Variants in MFAP5 observed in about 807,000 individuals in gnomAD.
MFAP5 encodes microfibril associated protein 5, also known as microfibrillar-associated protein 5.
Under a neutral mutation model 30.1 loss-of-function variants are expected in MFAP5, and 19 were observed. The observed-to-expected ratio is 0.63, with a 90% CI of 0.44 to 0.93. The LOEUF (loss-of-function observed/expected upper bound fraction) is 0.93. MFAP5 is among the 40% of genes least tolerant of loss of function. MFAP5 has a pLI of 0.00. For synonymous variants in MFAP5, 92 were observed against 72.9 expected (o/e 1.26, Z -1.33); for missense variants, 210 against 221.3 (o/e 0.95, Z 0.32).
At chr12:8,652,287 A>G (rs1306302104) in intron 6 of MFAP5, among the ~76,000 whole-genome samples, 2 of 151,974 alleles carry the variant, frequency 1.3e-5, no homozygotes, top group East Asian at 3.9e-4. Context: ...TCTACTAAAA[A>G]TACAAAACTT....
chr12:8,647,819 A>G lies in MFAP5; in HGVS notation c.*272T>C, dbSNP rs1439821706. The G allele has an allele frequency of 4.7e-6, 1 of 211,618 alleles. No homozygotes were observed. The highest frequency in any genetic ancestry group is 2.3e-5 in the African/African-American group (1 of 43,362). The allele number at this position is 211,618 out of a possible 1,614,324, so 13.1% of individuals were successfully genotyped here. A position where few individuals can be genotyped will look rare whatever the true frequency, so the allele number is the denominator to read the frequency against. ...AATTGTACATAGAATGTTTGTATATAAGCCATATAGTCATCATCTATTCAC... is the reference window on the plus strand; with the variant it reads ...AATTGTACATAGAATGTTTGTATATGAGCCATATAGTCATCATCTATTCAC... On this transcript the variant is annotated 3_prime_UTR_variant, in exon 10 of 10. Transcript: ENST00000359478.
intron 3 of MFAP5, among the ~76,000 whole-genome samples, chr12:8,656,637 C>CAT (rs1565526797): frequency 3.8e-5 from 5 of 133,110 alleles, no homozygotes; most frequent in African/African-American, 1.3e-4. Flanking sequence ...CACACACACA[C>CAT]ACACACACAC....
intron 6 of MFAP5, chr12:8,654,126 CAAAAAAA>C (rs61055144): frequency 2.6e-5 from 3 of 113,554 alleles, no homozygotes; most frequent in Admixed American, 1.2e-4. Flanking sequence ...TAATCCGTCT[CAAAAAAA>C]AAAAAAAAAA....
rs1941740735 is a variant in MFAP5 at position 8,648,344 on chromosome 12, A to G, written c.410-141T>C. The G allele has an allele frequency of 1.2e-5, 11 of 898,890 alleles. No homozygotes were observed. In the South Asian group the frequency reaches 1.7e-4, roughly 14 times the overall value. 55.7% of individuals were successfully genotyped at this position (898,890 alleles called of 1,614,324 possible). A position where few individuals can be genotyped will look rare whatever the true frequency, so the allele number is the denominator to read the frequency against. ...GATCCGGGTTTTAACCAGCTCTGCC[A>G]CTTACTTTAGTTATTTGCCACTTCC... On this transcript the variant is annotated intron_variant, in intron 9 of 9. Transcript: ENST00000359478.
chr12:8,656,216 G>A (rs901317815), intron 3 of MFAP5, among the ~76,000 whole-genome samples: 31 of 150,522 alleles, frequency 2.1e-4, no homozygotes, highest in Middle Eastern at 3.5e-3. Context: ...GCCCGCCACA[G>A]CGCCCGGCTA....
intron 7 of MFAP5, 76 bp downstream of exon 7, chr12:8,651,586 C>G: frequency 7.1e-7 from 1 of 1,403,526 alleles, no homozygotes; most frequent in Non-Finnish European, 1.0e-6. Context: ...TGCCAAGTAC[C>G]CTCCAAAGAA....
intron 9 of MFAP5, 150 bp from the exon 10 acceptor site, chr12:8,648,353 A>T: frequency 1.1e-6 from 1 of 886,072 alleles, no homozygotes. Context: ...CACTTACTTT[A>T]GTTATTTGCC....
At chr12:8,652,476 AT>A (rs1941863243) in intron 6 of MFAP5, among the ~76,000 whole-genome samples, 4 of 147,580 alleles carry the variant, frequency 2.7e-5, no homozygotes, top group Admixed American at 2.7e-4. Flanking sequence ...AAATAAATAA[AT>A]AAAGAATAAT....
chr12:8,658,323 C>A (rs1241790676), intron 3 of MFAP5, among the ~76,000 whole-genome samples: 7 of 151,986 alleles, frequency 4.6e-5, no homozygotes, highest in South Asian at 2.1e-4. Flanking sequence ...GCACTCCAGC[C>A]TGGGACAGAG....
Position 8,656,335 on chromosome 12 carries a change from A to C in MFAP5, c.95-505T>G, listed in dbSNP as rs188550136. 8.0e-4 allele frequency among the ~76,000 whole-genome samples: 121 copies of C among 151,476 alleles called. 3 individuals are homozygous for C. The East Asian group carries it at 0.023, about 28-fold the overall frequency. On this transcript the variant is annotated intron_variant, in intron 3 of 9. Transcript: ENST00000359478. ...AGTGCTGGGATTACAGGCGTGAGCC[A>C]CCGCGCCCAGCCCATAATTCTGATA...
At chr12:8,651,844 T>G in intron 6 of MFAP5, 153 bp from the exon 7 acceptor site, 1 of 681,602 alleles carries the variant, frequency 1.5e-6, no homozygotes, top group African/African-American at 1.8e-5. Flanking sequence ...AGAAAACCCT[T>G]ATTGAGCTGA....
intron 9 of MFAP5, chr12:8,648,528 C>A (rs1020776486): frequency 3.1e-6 from 4 of 1,290,176 alleles, no homozygotes; most frequent in Non-Finnish European, 4.0e-6. Context: ...CTTTATATAT[C>A]CAGCTGCCAA....
At chr12:8,658,591 G>A (rs1406286614) in intron 3 of MFAP5, 1 of 152,076 alleles carries the variant, frequency 6.6e-6, no homozygotes, top group Non-Finnish European at 1.5e-5. Context: ...AATCCTTCCT[G>A]GTTCCCTTTC....
At chr12:8,655,106 C>T (rs1941945864) in intron 5 of MFAP5, among the ~76,000 whole-genome samples, 1 of 151,900 alleles carries the variant, frequency 6.6e-6, no homozygotes, top group Non-Finnish European at 1.5e-5. Context: ...GGTGAAATCC[C>T]GTCTCTACTA....
intron 3 of MFAP5, among the ~76,000 whole-genome samples, chr12:8,659,176 C>T (rs115280610): frequency 0.016 from 2,392 of 151,890 alleles, 64 homozygotes; most frequent in African/African-American, 0.056. Context: ...GTTGTGGTGG[C>T]GCATGCCTAT....
intron 3 of MFAP5, chr12:8,658,697 C>T (rs1942070698): frequency 6.6e-6 from 1 of 151,836 alleles, no homozygotes; most frequent in Non-Finnish European, 1.5e-5. Context: ...CTAGCTGTCT[C>T]TGGGATTTCA....
Position 8,655,811 on chromosome 12 carries a change from A to T in MFAP5, c.114T>A (p.Thr38=). Residue 38 remains threonine, a synonymous_variant, in exon 4 of 10, where the codon ACT becomes ACA. Transcript: ENST00000359478. ...TAGGATCTTCTGTGAATGTTTCTGG[A>T]GTCGCTTGAGTCACATCGTCTGAAA... ...SQRGDDVTQA[T]PETFTEDPNL... 6.2e-7 allele frequency: 1 copy of T among 1,611,918 alleles called. No individual in the cohort carries two copies. The highest frequency in any genetic ancestry group is 8.5e-7 in the Non-Finnish European group (1 of 1,179,762).
intron 2 of MFAP5, 43 bp downstream of exon 2, chr12:8,662,004 C>T (rs1189268008): frequency 6.4e-7 from 1 of 1,574,126 alleles, no homozygotes. Flanking sequence ...ACGTGTATAG[C>T]TGAGGAGCTG....
At chr12:8,653,086 G>C (rs1941882027) in intron 6 of MFAP5, among the ~76,000 whole-genome samples, 1 of 151,944 alleles carries the variant, frequency 6.6e-6, no homozygotes, top group Non-Finnish European at 1.5e-5. Context: ...CAGCTACTTG[G>C]GAGGCTGAAG....
Sources: gnomAD v4.1 joint callset for allele counts (sites outside exome capture counted in the v4.1 genomes callset) on GRCh38, gnomAD v4.1.1 for gene constraint, MANE v1.5 for transcripts, NCBI Gene and HGNC (gene_info 2026-07-23, HGNC 2026-07-21) for gene names.